Variants in TXNDC16 observed in about 807,000 individuals in gnomAD.
TXNDC16 encodes the protein thioredoxin domain-containing protein 16.
Under a neutral mutation model 85.6 loss-of-function variants are expected in TXNDC16, and 74 were observed. The observed-to-expected ratio is 0.86, with a 90% CI of 0.72 to 1.05. The LOEUF (loss-of-function observed/expected upper bound fraction) is 1.05. TXNDC16 is among the 50% of genes least tolerant of loss of function. TXNDC16 has a pLI of 0.00. For synonymous variants in TXNDC16, 335 were observed against 326.5 expected, an observed-to-expected ratio of 1.03 and a Z score of -0.28; for missense variants, 959 against 947.0, an observed-to-expected ratio of 1.01 and a Z score of -0.17.
At chr14:52,474,871 A>G (rs1434627464) in intron 14 of TXNDC16, among the ~76,000 whole-genome samples, 1 of 152,240 alleles carries the variant, frequency 6.6e-6, no homozygotes, top group African/African-American at 2.4e-5. Flanking sequence ...GGCTCGCCTC[A>G]TGAACTTTTG....
chr14:52,435,660 T>C (rs1205936734), intron 20 of TXNDC16, among the ~76,000 whole-genome samples: 1 of 152,048 alleles, frequency 6.6e-6, no homozygotes, highest in East Asian at 1.9e-4. Flanking sequence ...GCCAAAATTG[T>C]CTTGAAAACA....
At chr14:52,496,740 G>C (rs922812365) in intron 9 of TXNDC16, among the ~76,000 whole-genome samples, 8 of 151,610 alleles carry the variant, frequency 5.3e-5, no homozygotes, top group African/African-American at 1.9e-4. Flanking sequence ...CTCCCAAGTA[G>C]CTGGGACTAC....
At chr14:52,494,101 C>T (rs1470599466) in intron 9 of TXNDC16, among the ~76,000 whole-genome samples, 2 of 151,620 alleles carry the variant, frequency 1.3e-5, no homozygotes, top group East Asian at 3.9e-4. Context: ...GTCTGTCTAC[C>T]ATAGGTAAGT....
At position 52,483,001 on chromosome 14, in the gene TXNDC16, A is replaced by G. The variant is rs756261980; in HGVS notation, c.1109-36T>C. ...GGAAAAGAAATTAATTTAAATATTG[A>G]TGTATAATGAAAACTATTTAAGCTC... On this transcript the variant is annotated intron_variant, in intron 12 of 20. Transcript: ENST00000281741. 3.3e-6 allele frequency: 5 copies of G among 1,535,098 alleles called. No individual in the cohort carries two copies. In the African/African-American group the frequency reaches 5.5e-5, roughly 17 times the overall value.
At chr14:52,477,153 G>A (rs946282431) in intron 14 of TXNDC16, among the ~76,000 whole-genome samples, 52 of 152,078 alleles carry the variant, frequency 3.4e-4, no homozygotes, top group African/African-American at 1.1e-3. Flanking sequence ...CCAAGCCAGC[G>A]CTACAAGAAC....
intron 16 of TXNDC16, chr14:52,463,101 G>A (rs2035689370): frequency 9.3e-5 from 37 of 396,852 alleles, no homozygotes; most frequent in South Asian, 7.0e-4. Context: ...GACATCTGAG[G>A]CCTTTAACTA....
chr14:52,549,929 G>A (rs1289882417), intron 1 of TXNDC16, among the ~76,000 whole-genome samples: 1 of 152,116 alleles, frequency 6.6e-6, no homozygotes, highest in Non-Finnish European at 1.5e-5. Context: ...GAGCCACCAT[G>A]CCCGACCCAA....
chr14:52,451,524 A>T, intron 18 of TXNDC16, among the ~76,000 whole-genome samples: 1 of 152,208 alleles, frequency 6.6e-6, no homozygotes, highest in Non-Finnish European at 1.5e-5. Context: ...TACCCCAAGG[A>T]TGCGAGGATG....
Position 52,482,839 on chromosome 14 carries a change from A to C in TXNDC16, c.1235T>G (p.Val412Gly). The C allele has an allele frequency of 6.2e-7, 1 of 1,611,358 alleles. No individual in the cohort carries two copies. The highest frequency in any genetic ancestry group is 1.1e-5 in the South Asian group (1 of 90,808). ...ATACTCACAACCAGCATAGAAGAGT[A>C]CTATGCTGTCAGAAGCCATCACTGT... ...NATVMASDSI[V>G]LFYAGWQAVS... Residue 412 changes from valine to glycine, a missense_variant, in exon 13 of 21, where the codon GTA becomes GGA. Coordinates refer to ENST00000281741, the MANE Select transcript of TXNDC16 (RefSeq NM_020784.3).
At chr14:52,488,119 G>C (rs2036311966) in intron 12 of TXNDC16, among the ~76,000 whole-genome samples, 1 of 152,222 alleles carries the variant, frequency 6.6e-6, no homozygotes, top group South Asian at 2.1e-4. Flanking sequence ...TGAAGGCACA[G>C]ATGTGGGAAG....
rs770159489 is a variant in TXNDC16, at chr14:52,511,252, T to G, written c.744A>C (p.Lys248Asn). 4 of 1,571,998 alleles carry G rather than the reference T, an allele frequency of 2.5e-6. No homozygotes were observed. Among genetic ancestry groups the G allele is most frequent in the African/African-American group, 2.7e-5 (2 of 74,082 alleles). The change falls in exon 9 of 21, where the codon AAA becomes AAC. Residue 248 changes from lysine to asparagine, a missense_variant. By Grantham distance (94) the Lys-to-Asn change is moderately conservative. Transcript: ENST00000281741. ...ATAAGACACATACCAACAGAGGTGC[T>G]TTCATTGTCTTAATAAACAGGTGAA... ...LNIHLFIKTMKAPLLTEVAED... is the reference protein window; with the variant it reads ...LNIHLFIKTMNAPLLTEVAED...
In TXNDC16 at chr14:52,455,324, A is replaced by C; in HGVS notation, c.1842T>G (p.Phe614Leu). ...QIITDALLEM[F>L]PEITVENLPS... is the part of the protein sequence containing the mutation. ...CACCCTTATTATAAAACATACTCAC[A>C]AACATTTCCAGTAGTGCATCTGTTA... The change falls in exon 18 of 21, where the codon TTT becomes TTG. Residue 614 changes from phenylalanine to leucine, a missense_variant and splice_region_variant. Phe to Leu is a conservative substitution (Grantham distance 22). Transcript: ENST00000281741. 1 of 1,613,492 alleles carries C rather than the reference A, an allele frequency of 6.2e-7. No homozygotes were observed.
intron 16 of TXNDC16, among the ~76,000 whole-genome samples, chr14:52,468,554 A>G (rs2035828975): frequency 6.6e-6 from 1 of 152,230 alleles, no homozygotes; most frequent in South Asian, 2.1e-4. Flanking sequence ...TCTCACACCA[A>G]TTCATTAGAC....
intron 6 of TXNDC16, among the ~76,000 whole-genome samples, chr14:52,529,547 TATAA>T (rs1309280427): frequency 2.0e-5 from 2 of 97,670 alleles, no homozygotes; most frequent in Admixed American, 1.2e-4. Context: ...GCCTATTATA[TATAA>T]TATATATAAT....
chr14:52,495,444 T>C (rs113526392), intron 9 of TXNDC16, among the ~76,000 whole-genome samples: 3 of 152,298 alleles, frequency 2.0e-5, no homozygotes, highest in Non-Finnish European at 2.9e-5. Context: ...TATGAAGTCA[T>C]ATATCATCAC....
chr14:52,533,913 A>T (rs1024649511), intron 6 of TXNDC16, among the ~76,000 whole-genome samples: 1 of 152,186 alleles, frequency 6.6e-6, no homozygotes, highest in Non-Finnish European at 1.5e-5. Context: ...CGGGGCTAGG[A>T]ATGCAGATGC....
At chr14:52,490,650 A>C (rs1271653572) in intron 10 of TXNDC16, among the ~76,000 whole-genome samples, 189 bp downstream of exon 10, 1 of 152,214 alleles carries the variant, frequency 6.6e-6, no homozygotes, top group East Asian at 1.9e-4. Context: ...TTATTTAGCA[A>C]GGTTTAAAAT....
intron 4 of TXNDC16, 143 bp downstream of exon 4, chr14:52,542,228 G>C (rs1324813772): frequency 3.4e-6 from 2 of 586,222 alleles, no homozygotes; most frequent in Non-Finnish European, 5.9e-6. Flanking sequence ...ATCTTTCTGG[G>C]CTTCTGTTTA....
At chr14:52,526,508 T>C (rs1207740693) in intron 6 of TXNDC16, among the ~76,000 whole-genome samples, 1 of 152,178 alleles carries the variant, frequency 6.6e-6, no homozygotes, top group Non-Finnish European at 1.5e-5. Flanking sequence ...CTCCTGAAGA[T>C]CAAATCTAGC....
Sources: gnomAD v4.1 joint callset for allele counts (sites outside exome capture counted in the v4.1 genomes callset) on GRCh38, gnomAD v4.1.1 for gene constraint, MANE v1.5 for transcripts, NCBI Gene and HGNC (gene_info 2026-07-23, HGNC 2026-07-21) for gene names.